Variants in NCOA2 observed in about 807,000 individuals in gnomAD.
NCOA2 encodes nuclear receptor coactivator 2, also known as class E basic helix-loop-helix protein 75.
In NCOA2, 21 loss-of-function variants were observed where a neutral mutation model predicts 145.1. The ratio of observed to expected loss-of-function variants is 0.14; its 90% CI spans 0.10 to 0.21. The LOEUF (loss-of-function observed/expected upper bound fraction) is 0.21, where lower values mean the gene tolerates loss of function less well. Among genes scored for constraint, NCOA2 ranks in the 10% least tolerant of loss-of-function variants. NCOA2 has a pLI of 1.00. For missense variants in NCOA2, 1,472 were observed against 1,837.6 expected, an observed-to-expected ratio of 0.80 and a Z score of 3.64; for synonymous variants, 619 against 637.5, an observed-to-expected ratio of 0.97 and a Z score of 0.44.
chr8:70,381,071 CAAA>C (rs879538664), intron 1 of NCOA2, among the ~76,000 whole-genome samples: 1 of 102,880 alleles, frequency 9.7e-6, no homozygotes. Flanking sequence ...GACACTGTCT[CAAA>C]AAAAAAAAAA....
At chr8:70,119,368 C>A in intron 22 of NCOA2, among the ~76,000 whole-genome samples, 1 of 152,280 alleles carries the variant, frequency 6.6e-6, no homozygotes, top group African/African-American at 2.4e-5. Flanking sequence ...GTTCCATCTA[C>A]GTTGCCACAA....
At chr8:70,130,761 C>A (rs1809000034) in intron 16 of NCOA2, among the ~76,000 whole-genome samples, 1 of 152,186 alleles carries the variant, frequency 6.6e-6, no homozygotes, top group Non-Finnish European at 1.5e-5. Flanking sequence ...GTAGACTGGA[C>A]ACTGGCAGGT....
rs558907001 is a variant in NCOA2, at chr8:70,112,002, A to C, written c.*1630T>G. 23 of 218,394 alleles carry C rather than the reference A, an allele frequency of 1.1e-4. No homozygotes were observed. Among genetic ancestry groups the C allele is most frequent in the African/African-American group, 4.9e-4 (22 of 44,670 alleles). The allele number at this position is 218,394 out of a possible 1,614,324, so 13.5% of individuals were successfully genotyped here. A position where few individuals can be genotyped will look rare whatever the true frequency, so the allele number is the denominator to read the frequency against. On this transcript the variant is annotated 3_prime_UTR_variant, in exon 23 of 23. Transcript: ENST00000452400. ...TGTCTGAAACTGACACCTATTAATA[A>C]AAGATTTTTCCCCTACCAGAGTGGG...
chr8:70,214,088 A>G lies in NCOA2; in HGVS notation c.87-13T>C. The stretch of plus-strand genomic sequence containing the variant: ...GTTCCTTTTGGGGCTTAAAAGAAGA[A>G]ACACATTTTTATGATGTATTTGAAA... On this transcript the variant is annotated splice_polypyrimidine_tract_variant and intron_variant, in intron 3 of 22. Coordinates refer to ENST00000452400, the MANE Select transcript of NCOA2 (RefSeq NM_006540.4). The G allele has an allele frequency of 6.3e-7, 1 of 1,588,108 alleles. No homozygotes were observed. Among genetic ancestry groups the G allele is most frequent in the Non-Finnish European group, 8.5e-7 (1 of 1,173,232 alleles).
At chr8:70,137,392 T>A (rs939316811) in intron 15 of NCOA2, among the ~76,000 whole-genome samples, 2 of 152,212 alleles carry the variant, frequency 1.3e-5, no homozygotes, top group African/African-American at 4.8e-5. Flanking sequence ...ACACTAAAAA[T>A]CCTAATTTTG....
chr8:70,433,106 G>A, the NCOA2 span, among the ~76,000 whole-genome samples: 1 of 152,116 alleles, frequency 6.6e-6, no homozygotes, highest in South Asian at 2.1e-4. Context: ...AAGTAAGTCA[G>A]TAAATTGAAT....
chr8:70,262,236 C>T (rs541883221), intron 2 of NCOA2, among the ~76,000 whole-genome samples: 8 of 152,052 alleles, frequency 5.3e-5, no homozygotes, highest in Non-Finnish European at 8.8e-5. Flanking sequence ...TATAGTATCC[C>T]CCATTTTATA....
chr8:70,156,043 A>C lies in NCOA2; in HGVS notation c.2322T>G (p.Asp774Glu). ...CTATTAATTTTGTGTTACTGGCAGGATCTGTCTTACTGTCCAGTCTCTCAA... is the reference window on the plus strand; with the variant it reads ...CTATTAATTTTGTGTTACTGGCAGGCTCTGTCTTACTGTCCAGTCTCTCAA... ...PKLERLDSKT[D>E]PASNTKLIAM... Residue 774 changes from aspartate to glutamate, a missense_variant, in exon 11 of 23, where the codon GAT becomes GAG. Asp to Glu is a conservative substitution (Grantham distance 45). This residue lies in a region of NCOA2 where 953 missense variants were observed against 1,062.1 expected (regional missense o/e 0.90). Transcript: ENST00000452400. The C allele has an allele frequency of 1.1e-5, 17 of 1,611,340 alleles. No individual in the cohort carries two copies. Among genetic ancestry groups the C allele is most frequent in the Non-Finnish European group, 1.4e-5 (16 of 1,179,160 alleles).
intron 1 of NCOA2, among the ~76,000 whole-genome samples, chr8:70,348,591 A>G (rs1307631750): frequency 1.3e-5 from 2 of 152,158 alleles, no homozygotes; most frequent in East Asian, 1.9e-4. Flanking sequence ...TGAAGGGATG[A>G]TAAGGGAGGT....
In NCOA2 at chr8:70,403,734, G is replaced by T. The variant is rs1371834280; in HGVS notation, c.-111C>A. 10 of 397,158 alleles carry T rather than the reference G, an allele frequency of 2.5e-5. No individual in the cohort carries two copies. Among genetic ancestry groups the T allele is most frequent in the Non-Finnish European group, 4.4e-5 (10 of 225,166 alleles). The allele number at this position is 397,158 out of a possible 1,614,324, so 24.6% of individuals were successfully genotyped here. ...TCGGTCACGCCGTCAGGTGCCGGCT[G>T]CCGTCGGCGCTGACCTTCGCCGCCG... On this transcript the variant is annotated 5_prime_UTR_variant, in exon 1 of 23. Coordinates refer to ENST00000452400, the MANE Select transcript of NCOA2 (RefSeq NM_006540.4).
At chr8:70,404,637 G>A (rs189218507), upstream of NCOA2, among the ~76,000 whole-genome samples, 284 of 152,384 alleles carry the variant, frequency 1.9e-3, no homozygotes, top group South Asian at 8.9e-3. Flanking sequence ...GCAATTGCGG[G>A]ATAAAGCAAA....
chr8:70,439,853 C>T, the NCOA2 span, among the ~76,000 whole-genome samples: 19 of 152,286 alleles, frequency 1.2e-4, no homozygotes, highest in African/African-American at 3.4e-4. Context: ...GAGGGCCTGC[C>T]GTGTGCTGGG....
intron 4 of NCOA2, among the ~76,000 whole-genome samples, chr8:70,187,269 T>A (rs571981032): frequency 6.6e-6 from 1 of 152,348 alleles, no homozygotes; most frequent in African/African-American, 2.4e-5. Context: ...ACATTTACAA[T>A]GTTTCCTAAA....
chr8:70,308,701 A>G (rs1828081832), intron 1 of NCOA2, among the ~76,000 whole-genome samples: 1 of 152,222 alleles, frequency 6.6e-6, no homozygotes, highest in South Asian at 2.1e-4. Context: ...CACTCTAGGC[A>G]GTCAGGCCAC....
At chr8:70,247,714 G>A (rs147404289) in intron 2 of NCOA2, among the ~76,000 whole-genome samples, 7 of 152,316 alleles carry the variant, frequency 4.6e-5, no homozygotes, top group South Asian at 2.1e-4. Context: ...TCACAGACAC[G>A]CTAACATTAA....
In NCOA2 at chr8:70,264,524, T is replaced by C. The variant is rs577592720; in HGVS notation, c.-20+32220A>G. 2.8e-4 allele frequency among the ~76,000 whole-genome samples: 42 copies of C among 152,244 alleles called. 2 individuals are homozygous for C. In the East Asian group the frequency reaches 5.0e-3, roughly 18 times the overall value. On this transcript the variant is annotated intron_variant, in intron 2 of 22. Coordinates refer to ENST00000452400, the MANE Select transcript of NCOA2 (RefSeq NM_006540.4). ...CAACAACAACAACAACAAAGTCTTA[T>C]ACCAAATGTCAACCTATATACTTCA...
intron 4 of NCOA2, among the ~76,000 whole-genome samples, chr8:70,176,444 T>C (rs1814857097): frequency 6.6e-6 from 1 of 152,178 alleles, no homozygotes; most frequent in Non-Finnish European, 1.5e-5. Context: ...CACTGCTGGG[T>C]CCTGTACATT....
intron 2 of NCOA2, among the ~76,000 whole-genome samples, chr8:70,226,455 A>G (rs887539578): frequency 2.0e-5 from 3 of 152,102 alleles, no homozygotes; most frequent in African/African-American, 7.2e-5. Context: ...AAATCTTGCA[A>G]CAACTGAGGG....
At chr8:70,446,847 T>G in the NCOA2 span, among the ~76,000 whole-genome samples, 1 of 152,216 alleles carries the variant, frequency 6.6e-6, no homozygotes, top group African/African-American at 2.4e-5. Flanking sequence ...TTCTGGAAAC[T>G]TCAAGATTTG....
Sources: gnomAD v4.1 joint callset for allele counts (sites outside exome capture counted in the v4.1 genomes callset) on GRCh38, gnomAD v4.1.1 for gene constraint, gnomAD v4.1.1 regional missense constraint, MANE v1.5 for transcripts, NCBI Gene and HGNC (gene_info 2026-07-23, HGNC 2026-07-21) for gene names.